PROZ: variants seen among roughly 807,000 people sequenced by gnomAD.
PROZ encodes the protein protein Z, vitamin K dependent plasma glycoprotein, also known as vitamin K-dependent protein Z.
A neutral mutation model predicts 34.9 loss-of-function variants in PROZ; 46 were observed. The ratio of observed to expected loss-of-function variants is 1.32; its 90% confidence interval spans 1.04 to 1.69. PROZ has a LOEUF of 1.69. Ranked by LOEUF, PROZ falls within the 40% of genes most tolerant of loss-of-function variation. The pLI is 0.00. For missense variants in PROZ, 530 were observed against 520.4 expected (o/e 1.02, Z -0.18); for synonymous variants, 195 against 208.5 (o/e 0.94, Z 0.56).
rs557751132 is a variant in PROZ at position 113,159,299 on chromosome 13, A to G, written c.70+569A>G. On this transcript the variant is annotated intron_variant, in intron 1 of 7. Coordinates refer to ENST00000375547, the MANE Select transcript of PROZ (RefSeq NM_003891.3). The surrounding 1 kb of genome is among the most constrained non-coding windows in gnomAD (Gnocchi z 4.6). ...AACACCCAGCATCCCCGCTGGCCCC[A>G]TGGTCTCCCGCTGGCCCCATGGTCT... The G allele has an allele frequency of 3.3e-6, 5 of 1,514,114 alleles. No homozygotes were observed. In the South Asian group the frequency reaches 4.8e-5, roughly 15 times the overall value. 93.8% of individuals were successfully genotyped at this position (1,514,114 alleles called of 1,614,324 possible). A position where few individuals can be genotyped will look rare whatever the true frequency, so the allele number is the denominator to read the frequency against.
At position 113,163,011 on chromosome 13, in the gene PROZ, G is replaced by A. The variant is rs199755961; in HGVS notation, c.262G>A (p.Gly88Ser). The A allele has an allele frequency of 3.3e-5, 50 of 1,519,694 alleles. No individual in the cohort carries two copies. Among genetic ancestry groups the A allele is most frequent in the Admixed American group, 2.4e-4 (12 of 49,640 alleles). The allele number at this position is 1,519,694 out of a possible 1,614,324, so 94.1% of individuals were successfully genotyped here. Reference sequence around the variant, plus strand: ...CAACCCCCATCCTCCTCCTGCAGGCGGCTCCCCGTGCATCTCCCAGCCCTG... The same window carrying A: ...CAACCCCCATCCTCCTCCTGCAGGCAGCTCCCCGTGCATCTCCCAGCCCTG... ...TDEFWRRYKG[G>S]SPCISQPCLH... Residue 88 changes from glycine to serine, a missense_variant and splice_region_variant, in exon 4 of 8, where the codon GGC becomes AGC. Physicochemically the swap from Gly to Ser is moderately conservative, Grantham distance 56 (BLOSUM62 0). Transcript: ENST00000375547.
At chr13:113,163,607 G>A (rs559153630) in intron 4 of PROZ, among the ~76,000 whole-genome samples, 2 of 152,096 alleles carry the variant, frequency 1.3e-5, no homozygotes, top group African/African-American at 4.8e-5. Flanking sequence ...CGTTTCTCTG[G>A]GGAAAACCTT....
chr13:113,163,024 T>C lies in PROZ; in HGVS notation c.275T>C (p.Ile92Thr), dbSNP rs1378247523. The change falls in exon 4 of 8, where the codon ATC becomes ACC. Residue 92 changes from isoleucine to threonine, a missense_variant. Ile to Thr is a moderately conservative substitution (Grantham distance 89). Transcript: ENST00000375547. ...CCTCCTGCAGGCGGCTCCCCGTGCA[T>C]CTCCCAGCCCTGCCTCCACAACGGC... The part of the protein sequence containing the change: ...WRRYKGGSPC[I>T]SQPCLHNGSC... 1.4e-6 allele frequency: 2 copies of C among 1,411,228 alleles called. No individual in the cohort carries two copies. Among genetic ancestry groups the C allele is most frequent in the African/African-American group, 3.0e-5 (2 of 66,154 alleles). The allele number at this position is 1,411,228 out of a possible 1,614,324, so 87.4% of individuals were successfully genotyped here.
Position 113,160,056 on chromosome 13 carries a change from G to T in PROZ, c.113G>T (p.Trp38Leu). The change falls in exon 2 of 8, where the codon TGG (tryptophan) becomes TTG (leucine). Residue 38 changes from tryptophan (W) to leucine (L), a missense_variant. Coordinates refer to ENST00000375547, the MANE Select transcript of PROZ (RefSeq NM_003891.3). ...ASKANDVLVR[W>L]KRAGSYLLEE... ...AAAGCAAACGACGTTCTGGTGAGGT[G>T]GAAGCGTGCGGGCTCCTATCTTCTG... 1 of 1,614,184 alleles carries T rather than the reference G, an allele frequency of 6.2e-7. No homozygotes were observed. The highest frequency in any genetic ancestry group is 8.5e-7 in the Non-Finnish European group (1 of 1,180,028).
At position 113,164,563 on chromosome 13, in the gene PROZ, C is replaced by T. The variant is rs779860898; in HGVS notation, c.424C>T (p.Leu142Phe). Residue 142 changes from leucine (L) to phenylalanine (F), a missense_variant, in exon 5 of 8, where the codon CTC becomes TTC. Transcript: ENST00000375547. ...GACTGATGGGTGTCAACACTTCTGC[C>T]TCCCAGGACAGGAATCCTACACATG... ...ERTDGCQHFC[L>F]PGQESYTCSC... The T allele has an allele frequency of 1.2e-6, 2 of 1,613,972 alleles. No individual in the cohort carries two copies. Among genetic ancestry groups the T allele is most frequent in the South Asian group, 2.2e-5 (2 of 91,080 alleles).
At chr13:113,161,711 G>C (rs2036763316) in intron 3 of PROZ, among the ~76,000 whole-genome samples, 1 of 151,984 alleles carries the variant, frequency 6.6e-6, no homozygotes, top group Non-Finnish European at 1.5e-5. Flanking sequence ...GCGATGGCAT[G>C]GGGAGCAGCA....
In PROZ at chr13:113,164,573, A is replaced by G; in HGVS notation, c.434A>G (p.Gln145Arg). 1 of 1,613,856 alleles carries G rather than the reference A, an allele frequency of 6.2e-7. No individual in the cohort carries two copies. Among genetic ancestry groups the G allele is most frequent in the Non-Finnish European group, 8.5e-7 (1 of 1,179,988 alleles). The change falls in exon 5 of 8, where the codon CAG becomes CGG. Residue 145 changes from glutamine to arginine, a missense_variant. Coordinates refer to ENST00000375547, the MANE Select transcript of PROZ (RefSeq NM_003891.3). The part of the protein sequence containing the change: ...DGCQHFCLPG[Q>R]ESYTCSCAQG... ...TGTCAACACTTCTGCCTCCCAGGACAGGAATCCTACACATGCAGCTGTGCT... is the reference window on the plus strand; with the variant it reads ...TGTCAACACTTCTGCCTCCCAGGACGGGAATCCTACACATGCAGCTGTGCT...
chr13:113,164,994 G>C, intron 5 of PROZ, 59 bp from the exon 6 acceptor site: 2 of 1,502,458 alleles, frequency 1.3e-6, no homozygotes, highest in South Asian at 2.3e-5. Context: ...CATAGACAGA[G>C]TCCGATATTC....
At chr13:113,161,318 G>C in intron 3 of PROZ, among the ~76,000 whole-genome samples, 1 of 152,236 alleles carries the variant, frequency 6.6e-6, no homozygotes, top group East Asian at 1.9e-4. Flanking sequence ...TGCTGCAGCA[G>C]GGTCAGAACT....
chr13:113,168,590 ACTTT>A (rs962883424), intron 6 of PROZ, among the ~76,000 whole-genome samples: 1 of 152,064 alleles, frequency 6.6e-6, no homozygotes, highest in African/African-American at 2.4e-5. Flanking sequence ...TTTAATTTTA[ACTTT>A]CTAAGATTTC....
Position 113,164,597 on chromosome 13 carries a change from C to A in PROZ, c.458C>A (p.Ala153Asp). Residue 153 changes from alanine (A) to aspartate (D), a missense_variant, in exon 5 of 8, where the codon GCT becomes GAT. Transcript: ENST00000375547. ...PGQESYTCSCAQGYRLGEDHK... is the reference protein window; with the variant it reads ...PGQESYTCSCDQGYRLGEDHK... ...CAGGAATCCTACACATGCAGCTGTG[C>A]TCAGGGCTACAGGCTTGGTGAGGAC... The A allele has an allele frequency of 6.2e-7, 1 of 1,613,882 alleles. No homozygotes were observed. The highest frequency in any genetic ancestry group is 8.5e-7 in the Non-Finnish European group (1 of 1,179,982).
rs758112048 is a variant in PROZ, at chr13:113,163,054, G to T, written c.305G>T (p.Cys102Phe). The stretch of plus-strand genomic sequence containing the variant: ...CAGCCCTGCCTCCACAACGGCTCTT[G>T]CCAGGACAGCATCTGGGGCTACACC... ...ISQPCLHNGS[C>F]QDSIWGYTCT... The change falls in exon 4 of 8, where the codon TGC (cysteine) becomes TTC (phenylalanine). Residue 102 changes from cysteine to phenylalanine, a missense_variant. Physicochemically the swap from Cys to Phe is radical, Grantham distance 205. Coordinates refer to ENST00000375547, the MANE Select transcript of PROZ (RefSeq NM_003891.3). 1.5e-5 allele frequency: 23 copies of T among 1,560,466 alleles called. No homozygotes were observed. The highest frequency in any genetic ancestry group is 1.9e-5 in the Non-Finnish European group (22 of 1,152,102).
At chr13:113,169,422 G>A (rs1225573641) in intron 6 of PROZ, among the ~76,000 whole-genome samples, 2 of 152,116 alleles carry the variant, frequency 1.3e-5, no homozygotes, top group Non-Finnish European at 2.9e-5. Context: ...ACTCAGTTTT[G>A]GGATATTTTT....
In PROZ at chr13:113,159,896, AGAGCCTGTGGAGACGGAC is replaced by A. The variant is rs2138572278; in HGVS notation, c.71-116_71-99del. ...GTGGCCCTGAGGCCCTCGCAGGCTG[AGAGCCTGTGGAGACGGAC>A]GGGGCTGGGGCTGGCGGCCGGCCGG... On this transcript the variant is annotated intron_variant, in intron 1 of 7. Transcript: ENST00000375547. This position sits in a 1 kb window ranked among gnomAD's most constrained non-coding sequence, Gnocchi z 4.6. 1 of 1,259,984 alleles carries A rather than the reference AGAGCCTGTGGAGACGGAC, an allele frequency of 7.9e-7. No homozygotes were observed. The highest frequency in any genetic ancestry group is 1.2e-6 in the Non-Finnish European group (1 of 862,680). The allele number at this position is 1,259,984 out of a possible 1,614,324, so 78.1% of individuals were successfully genotyped here.
In PROZ at chr13:113,160,042, C is replaced by T. The variant is rs778900684; in HGVS notation, c.99C>T (p.Asp33=). Reference sequence around the variant, plus strand: ...TTCTCCCGGCCTCCAAAGCAAACGACGTTCTGGTGAGGTGGAAGCGTGCGG... The same window carrying T: ...TTCTCCCGGCCTCCAAAGCAAACGATGTTCTGGTGAGGTGGAAGCGTGCGG... ...SVFLPASKAN[D]VLVRWKRAGS... Residue 33 remains aspartate, a synonymous_variant, in exon 2 of 8, where the codon GAC becomes GAT. Coordinates refer to ENST00000375547, the MANE Select transcript of PROZ (RefSeq NM_003891.3). 21 of 1,614,046 alleles carry T rather than the reference C, an allele frequency of 1.3e-5. No homozygotes were observed. The highest frequency in any genetic ancestry group is 8.0e-5 in the African/African-American group (6 of 74,924).
chr13:113,166,444 G>C (rs923009116), intron 6 of PROZ: 2 of 152,130 alleles, frequency 1.3e-5, no homozygotes, highest in Non-Finnish European at 2.9e-5. Flanking sequence ...ATAAGCCCCT[G>C]AGGTTTCTGT....
rs1462312421 is a variant in PROZ at position 113,165,070 on chromosome 13, G to C, written c.523G>C (p.Val175Leu). 1 of 1,613,240 alleles carries C rather than the reference G, an allele frequency of 6.2e-7. No homozygotes were observed. Among genetic ancestry groups the C allele is most frequent in the African/African-American group, 1.3e-5 (1 of 74,940 alleles). ...CVPHDQCACG[V>L]LTSEKRAPDL... ...AAATGCAGACCAGTGTGCCTGCGGG[G>C]TGCTGACCTCTGAGAAGCGTGCACC... The change falls in exon 6 of 8, where the codon GTG becomes CTG. Residue 175 changes from valine to leucine, a missense_variant. Coordinates refer to ENST00000375547, the MANE Select transcript of PROZ (RefSeq NM_003891.3).
In PROZ at chr13:113,172,011, T is replaced by G. The variant is rs1595131349; in HGVS notation, c.1109T>G (p.Val370Gly). ...EHRGSWFLTG[V>G]LGSQPVGGQA... ...AGAGGCTCCTGGTTTCTCACGGGGG[T>G]CCTGGGCTCGCAGCCAGTAGGAGGG... The change falls in exon 8 of 8, where the codon GTC becomes GGC. Residue 370 changes from valine (V) to glycine (G), a missense_variant. Transcript: ENST00000375547. 1 of 1,613,018 alleles carries G rather than the reference T, an allele frequency of 6.2e-7. No individual in the cohort carries two copies. Among genetic ancestry groups the G allele is most frequent in the South Asian group, 1.1e-5 (1 of 91,062 alleles).
chr13:113,161,587 C>T (rs1470016480), intron 3 of PROZ, among the ~76,000 whole-genome samples: 1 of 152,128 alleles, frequency 6.6e-6, no homozygotes, highest in Non-Finnish European at 1.5e-5. Flanking sequence ...CGGAGAAGGG[C>T]TGATGGGGCG....
Sources: allele counts gnomAD v4.1 joint callset (sites outside exome capture counted in the v4.1 genomes callset), GRCh38; gene constraint gnomAD v4.1.1; non-coding constraint Gnocchi (gnomAD v3.1); transcripts MANE v1.5; gene names NCBI Gene and HGNC (gene_info 2026-07-23, HGNC 2026-07-21).